The following URB1 variants were observed in gnomAD, a reference collection of about 807,000 sequenced individuals.
URB1 encodes the protein nucleolar pre-ribosomal-associated protein 1.
In URB1, 197 loss-of-function variants were observed where a neutral mutation model predicts 242.3. That is an observed-to-expected ratio of 0.81 (90% CI 0.72 to 0.91). The LOEUF is 0.91. Among genes scored for constraint, URB1 ranks in the 40% least tolerant of loss-of-function variants. The pLI is 0.00. For synonymous variants in URB1, 1,153 were observed against 1,201.8 expected (o/e 0.96, Z 0.84); for missense variants, 2,721 against 2,860.5 (o/e 0.95, Z 1.11).
At position 32,392,947 on chromosome 21, in the gene URB1, C is replaced by T. The variant is rs1288810474; in HGVS notation, c.-37G>A. Reference sequence around the variant, plus strand: ...CGGAAGCGCGACGGAAACGACACACCTGAGGGGACCCGGCAGGAGCACTGG... The same window carrying T: ...CGGAAGCGCGACGGAAACGACACACTTGAGGGGACCCGGCAGGAGCACTGG... On this transcript the variant is annotated 5_prime_UTR_variant, in exon 1 of 39. Transcript: ENST00000382751. 1 of 1,466,606 alleles carries T rather than the reference C, an allele frequency of 6.8e-7. No individual in the cohort carries two copies. Among genetic ancestry groups the T allele is most frequent in the South Asian group, 1.3e-5 (1 of 75,964 alleles). 90.8% of individuals were successfully genotyped at this position (1,466,606 alleles called of 1,614,324 possible).
At chr21:32,333,603 T>C (rs1421042214) in intron 29 of URB1, among the ~76,000 whole-genome samples, 184 bp from the exon 30 acceptor site, 1 of 152,242 alleles carries the variant, frequency 6.6e-6, no homozygotes, top group Non-Finnish European at 1.5e-5. Flanking sequence ...ATGTTTCATA[T>C]GCACGTAATA....
rs573063562 is a variant in URB1 at position 32,361,053 on chromosome 21, G to A, written c.1710C>T (p.Pro570=). 6.4e-7 allele frequency: 1 copy of A among 1,551,198 alleles called. No individual in the cohort carries two copies. The highest frequency in any genetic ancestry group is 1.2e-5 in the South Asian group (1 of 83,996). The part of the protein sequence containing the change: ...QVICLYQKVV[P]HVVMQYNFDF... ...CAAAGTTGTACTGCATGACCACGTG[G>A]GGGACCACCTTCTGGTAGAGGCATA... Residue 570 remains proline, a synonymous_variant, in exon 13 of 39, where the codon CCC becomes CCT. Transcript: ENST00000382751.
Position 32,344,620 on chromosome 21 carries a change from TATC to T in URB1, c.4204_4206del (p.Asp1402del). ...ATTTCCTTCTCCTGATTCTGAGTAT[TATC>T]ATCATCTTGCTGTCCACCACTGAAA... On this transcript the variant is annotated inframe_deletion, in exon 24 of 39. Transcript: ENST00000382751. The T allele has an allele frequency of 6.4e-7, 1 of 1,552,380 alleles. No individual in the cohort carries two copies. Among genetic ancestry groups the T allele is most frequent in the Non-Finnish European group, 8.7e-7 (1 of 1,147,138 alleles).
chr21:32,328,917 C>A (rs1188978676), intron 30 of URB1, among the ~76,000 whole-genome samples: 1 of 152,130 alleles, frequency 6.6e-6, no homozygotes, highest in African/African-American at 2.4e-5. Flanking sequence ...CCTTAACAGA[C>A]CTTCAGATCA....
At position 32,325,254 on chromosome 21, in the gene URB1, C is replaced by T; in HGVS notation, c.5096G>A (p.Gly1699Asp). ...VLAAYYSHLE[G>D]ARFQEQSQLL... ...CTGGGACTGCTCTTGGAACCGTGCG[C>T]CCTCCAAGTGCGAGTAGTAGGCCGC... is the stretch of plus-strand genomic sequence containing the variant. The change falls in exon 31 of 39, where the codon GGC (glycine) becomes GAC (aspartate). Residue 1699 changes from glycine (G) to aspartate (D), a missense_variant. Coordinates refer to ENST00000382751, the MANE Select transcript of URB1 (RefSeq NM_014825.3). The T allele has an allele frequency of 1.9e-6, 3 of 1,551,608 alleles. No homozygotes were observed. The South Asian group carries it at 3.6e-5, about 18-fold the overall frequency.
intron 1 of URB1, among the ~76,000 whole-genome samples, chr21:32,387,598 T>C (rs1383183495): frequency 1.9e-5 from 1 of 51,776 alleles, no homozygotes; most frequent in East Asian, 4.3e-4. Context: ...CTTCACCTTA[T>C]TCAAAAAAAA....
intron 11 of URB1, 120 bp from the exon 12 acceptor site, chr21:32,362,141 T>A: frequency 7.8e-7 from 1 of 1,277,690 alleles, no homozygotes; most frequent in Non-Finnish European, 1.1e-6. Context: ...GAGGAGTGCG[T>A]GTAAGAAGGA....
intron 36 of URB1, 108 bp downstream of exon 36, chr21:32,319,109 A>G: frequency 8.7e-7 from 1 of 1,143,808 alleles, no homozygotes; most frequent in East Asian, 2.8e-5. Context: ...ATCACGGCCC[A>G]GCGTCCCCCT....
Position 32,361,974 on chromosome 21 carries a change from T to C in URB1, c.1557A>G (p.Lys519=), listed in dbSNP as rs2033293991. The stretch of plus-strand genomic sequence containing the variant: ...TGTCATCCTGTTTGGTCTCTTGCTT[T>C]TTAAGTGACTGCCAGACCCACACGA... ...NTVVWVWQSL[K]KQETKQDDKK... Residue 519 remains lysine (K), a synonymous_variant, in exon 12 of 39, where the codon AAA becomes AAG. Coordinates refer to ENST00000382751, the MANE Select transcript of URB1 (RefSeq NM_014825.3). The C allele has an allele frequency of 2.6e-6, 4 of 1,551,606 alleles. No individual in the cohort carries two copies. The highest frequency in any genetic ancestry group is 1.4e-5 in the African/African-American group (1 of 73,158).
chr21:32,356,160 T>C (rs1452815720), intron 15 of URB1, among the ~76,000 whole-genome samples: 1 of 152,196 alleles, frequency 6.6e-6, no homozygotes, highest in Non-Finnish European at 1.5e-5. Flanking sequence ...GTGTGAGAAT[T>C]GCTTGAGCTC....
intron 16 of URB1, among the ~76,000 whole-genome samples, 172 bp from the exon 17 acceptor site, chr21:32,355,169 AT>A (rs1568822435): frequency 6.6e-6 from 1 of 152,288 alleles, no homozygotes; most frequent in Admixed American, 6.5e-5. Context: ...TTAAAAAAAA[AT>A]CTCCTTTTAC....
intron 4 of URB1, among the ~76,000 whole-genome samples, chr21:32,379,007 TATGAG>T (rs949285617): frequency 3.3e-5 from 5 of 152,254 alleles, no homozygotes; most frequent in Admixed American, 3.3e-4. Flanking sequence ...GTCTGGTTTT[TATGAG>T]ATATTATAAA....
At chr21:32,344,013 T>C (rs2033058169) in intron 24 of URB1, among the ~76,000 whole-genome samples, 1 of 152,072 alleles carries the variant, frequency 6.6e-6, no homozygotes, top group African/African-American at 2.4e-5. Flanking sequence ...TTGAAATACT[T>C]AAAGGAGGAA....
intron 35 of URB1, 69 bp from the exon 36 acceptor site, chr21:32,319,483 T>A (rs2123542447): frequency 1.5e-6 from 2 of 1,379,118 alleles, no homozygotes; most frequent in South Asian, 3.3e-5. Context: ...ACTATCGCCC[T>A]CCATAATCCT....
In URB1 at chr21:32,371,500, T is replaced by C. The variant is rs2033405507; in HGVS notation, c.1001+1007A>G. On this transcript the variant is annotated intron_variant, in intron 8 of 38. Coordinates refer to ENST00000382751, the MANE Select transcript of URB1 (RefSeq NM_014825.3). ...GGCAGGAAAATGAGCTCATTCTTAC[T>C]GATGAAAGAAAAAAGAAATGATGTG... Among the ~76,000 whole-genome samples, 4 of 152,128 alleles carry C rather than the reference T, an allele frequency of 2.6e-5. No individual in the cohort carries two copies. In the South Asian group the frequency reaches 8.3e-4, roughly 32 times the overall value.
At chr21:32,332,965 T>G (rs2032913580) in intron 30 of URB1, 1 of 291,466 alleles carries the variant, frequency 3.4e-6, no homozygotes, top group Non-Finnish European at 6.6e-6. Context: ...CTCAGCAGGC[T>G]GACCCATTAT....
In URB1 at chr21:32,311,771, G is replaced by A. The variant is rs2032580630; in HGVS notation, c.*3147C>T. The A allele has an allele frequency of 2.5e-6, 4 of 1,614,138 alleles. No individual in the cohort carries two copies. The South Asian group carries it at 3.3e-5, about 13-fold the overall frequency. ...TCCAGAAGTGCCTGCCGTGCCACAG[G>A]GAACCCCTGGCAACCTCACAGGCTC... On this transcript the variant is annotated 3_prime_UTR_variant, in exon 39 of 39. Coordinates refer to ENST00000382751, the MANE Select transcript of URB1 (RefSeq NM_014825.3).
At chr21:32,369,634 T>G (rs2033385323) in intron 8 of URB1, among the ~76,000 whole-genome samples, 1 of 152,082 alleles carries the variant, frequency 6.6e-6, no homozygotes. Context: ...AATAAAGTTT[T>G]TTTTATACGA....
At chr21:32,323,482 T>C (rs1001785815) in intron 32 of URB1, among the ~76,000 whole-genome samples, 2 of 152,212 alleles carry the variant, frequency 1.3e-5, no homozygotes, top group African/African-American at 4.8e-5. Context: ...TTAGCAGTGG[T>C]ACCCCCATTC....
Sources: gnomAD v4.1 joint callset for allele counts (sites outside exome capture counted in the v4.1 genomes callset) on GRCh38, gnomAD v4.1.1 for gene constraint, MANE v1.5 for transcripts, NCBI Gene and HGNC (gene_info 2026-07-23, HGNC 2026-07-21) for gene names.